CD48: variants seen among roughly 807,000 people sequenced by gnomAD.
CD48 encodes CD48 antigen.
In CD48, 20 loss-of-function variants were observed where a neutral mutation model predicts 22.0. The ratio of observed to expected loss-of-function variants is 0.91; its 90% CI spans 0.64 to 1.32. The LOEUF (loss-of-function observed/expected upper bound fraction) is 1.32, where lower values mean the gene tolerates loss of function less well. Ranked by LOEUF, CD48 falls within the 40% of genes most tolerant of loss-of-function variation. CD48 has a pLI of 0.00. For synonymous variants in CD48, 110 were observed against 110.1 expected (o/e 1.00, Z 0.01); for missense variants, 307 against 286.5 (o/e 1.07, Z -0.52).
chr1:160,692,458 G>C (rs191863147), intron 1 of CD48, among the ~76,000 whole-genome samples: 3 of 152,236 alleles, frequency 2.0e-5, no homozygotes, highest in Non-Finnish European at 2.9e-5. Context: ...TCAGGTGACC[G>C]TAACATTACA....
intron 1 of CD48, among the ~76,000 whole-genome samples, chr1:160,701,144 T>A (rs970733861): frequency 6.9e-6 from 1 of 144,782 alleles, no homozygotes; most frequent in Non-Finnish European, 1.5e-5. Context: ...TAAAAGCAAA[T>A]TTTTCACAAT....
intron 3 of CD48, chr1:160,680,927 G>A: frequency 7.0e-7 from 1 of 1,430,062 alleles, no homozygotes; most frequent in Non-Finnish European, 9.1e-7. Context: ...TTAGGACTAT[G>A]CTTTGTTAGA....
intron 1 of CD48, among the ~76,000 whole-genome samples, chr1:160,710,200 A>T (rs1662907800): frequency 6.6e-6 from 1 of 152,196 alleles, no homozygotes; most frequent in Non-Finnish European, 1.5e-5. Flanking sequence ...AATGGTTTGG[A>T]AGTTAGACCT....
At chr1:160,708,204 C>T (rs937335956) in intron 1 of CD48, among the ~76,000 whole-genome samples, 11 of 152,090 alleles carry the variant, frequency 7.2e-5, no homozygotes, top group Non-Finnish European at 1.5e-4. Context: ...CCCAGAAACA[C>T]AAAAATGAAA....
chr1:160,707,694 T>C (rs1045859706), intron 1 of CD48, among the ~76,000 whole-genome samples: 1 of 152,096 alleles, frequency 6.6e-6, no homozygotes, highest in African/African-American at 2.4e-5. Flanking sequence ...GGTGAAAGTT[T>C]GAAATAGCCA....
At chr1:160,708,016 G>A (rs1662842805) in intron 1 of CD48, among the ~76,000 whole-genome samples, 1 of 152,166 alleles carries the variant, frequency 6.6e-6, no homozygotes, top group Non-Finnish European at 1.5e-5. Context: ...TTGGTGATAA[G>A]TGTTAGGAAA....
At chr1:160,684,691 T>C (rs188966260) in intron 2 of CD48, 196 bp downstream of exon 2, 1 of 1,479,988 alleles carries the variant, frequency 6.8e-7, no homozygotes, top group East Asian at 2.4e-5. Flanking sequence ...TTAAATGTCC[T>C]AAGATTGTTA....
chr1:160,699,993 G>A (rs1662575738), intron 1 of CD48, among the ~76,000 whole-genome samples: 2 of 152,132 alleles, frequency 1.3e-5, no homozygotes, highest in South Asian at 4.1e-4. Context: ...ACCCACAGGT[G>A]TGGAGGGGCA....
chr1:160,684,961 T>C lies in CD48; in HGVS notation c.311A>G (p.Asn104Ser). 1 of 1,614,204 alleles carries C rather than the reference T, an allele frequency of 6.2e-7. No homozygotes were observed. Among genetic ancestry groups the C allele is most frequent in the Non-Finnish European group, 8.5e-7 (1 of 1,180,028 alleles). The change falls in exon 2 of 4, where the codon AAC (asparagine) becomes AGC (serine). Residue 104 changes from asparagine to serine, a missense_variant. Transcript: ENST00000368046. ...CAACACCCTCATGATGTAGGTGCTG[T>C]TGTCCTCTTTCTGGACCTTAGAGAT... is the stretch of plus-strand genomic sequence containing the variant. ...LYISKVQKED[N>S]STYIMRVLKK...
intron 3 of CD48, 127 bp downstream of exon 3, chr1:160,681,075 C>T: frequency 6.5e-7 from 1 of 1,540,448 alleles, no homozygotes; most frequent in Non-Finnish European, 8.8e-7. Flanking sequence ...TCTCCCAGCT[C>T]TCCCAGACAC....
At chr1:160,690,696 A>C (rs1448424737) in intron 1 of CD48, among the ~76,000 whole-genome samples, 2 of 152,222 alleles carry the variant, frequency 1.3e-5, no homozygotes, top group East Asian at 3.8e-4. Flanking sequence ...CCTTGAAAAT[A>C]AAGAAGCCAA....
Position 160,681,362 on chromosome 1 carries a change from G to A in CD48, c.492C>T (p.Thr164=), listed in dbSNP as rs1434201325. The change falls in exon 3 of 4, where the codon ACC becomes ACT. Residue 164 remains threonine (T), a synonymous_variant. Transcript: ENST00000368046. Reference sequence around the variant, plus strand: ...GGAAGGGCCTTTTGTCCCCATACCAGGTGTAGTTTACAGACTCGCCAGGTA... The same window carrying A: ...GGAAGGGCCTTTTGTCCCCATACCAAGTGTAGTTTACAGACTCGCCAGGTA... The part of the protein sequence containing the change: ...CVIPGESVNY[T]WYGDKRPFPK... 7 of 1,614,064 alleles carry A rather than the reference G, an allele frequency of 4.3e-6. No homozygotes were observed. In the Admixed American group the frequency reaches 8.3e-5, roughly 19 times the overall value.
At chr1:160,685,362 T>A (rs1439123189) in intron 1 of CD48, among the ~76,000 whole-genome samples, 173 bp from the exon 2 acceptor site, 1 of 152,104 alleles carries the variant, frequency 6.6e-6, no homozygotes, top group African/African-American at 2.4e-5. Flanking sequence ...TCAAGAAAAG[T>A]TGAAGCTTGA....
chr1:160,692,798 G>T (rs1041292544), intron 1 of CD48, among the ~76,000 whole-genome samples: 2 of 152,240 alleles, frequency 1.3e-5, no homozygotes, highest in African/African-American at 4.8e-5. Flanking sequence ...CACAGTTGAG[G>T]CCAGATACAA....
intron 1 of CD48, among the ~76,000 whole-genome samples, chr1:160,694,404 G>T (rs1426039203): frequency 6.6e-6 from 1 of 151,624 alleles, no homozygotes; most frequent in African/African-American, 2.4e-5. Flanking sequence ...TTAAATCAGT[G>T]GCCAAAAAAT....
At chr1:160,707,327 A>G (rs1379379160) in intron 1 of CD48, among the ~76,000 whole-genome samples, 1 of 152,106 alleles carries the variant, frequency 6.6e-6, no homozygotes, top group Non-Finnish European at 1.5e-5. Context: ...AGTAGAGAGT[A>G]TTTTGTTTTT....
intron 3 of CD48, chr1:160,680,634 A>C: frequency 9.9e-7 from 1 of 1,007,128 alleles, no homozygotes; most frequent in Non-Finnish European, 1.2e-6. Context: ...GAGACAGGGG[A>C]ATCTGGCTTC....
intron 3 of CD48, chr1:160,680,850 T>A (rs1303894867): frequency 8.3e-6 from 11 of 1,322,880 alleles, no homozygotes; most frequent in Non-Finnish European, 7.7e-6. Context: ...GCTCGCCCAC[T>A]TGCCCTTCCT....
At chr1:160,687,102 C>T (rs188912683) in intron 1 of CD48, among the ~76,000 whole-genome samples, 3 of 152,070 alleles carry the variant, frequency 2.0e-5, no homozygotes, top group African/African-American at 4.8e-5. Flanking sequence ...TACCTCCAGG[C>T]GCGTATTCTC....
Sources: allele counts gnomAD v4.1 joint callset (sites outside exome capture counted in the v4.1 genomes callset), GRCh38; gene constraint gnomAD v4.1.1; transcripts MANE v1.5; gene names NCBI Gene and HGNC (gene_info 2026-07-23, HGNC 2026-07-21).